PDGFRA: variants seen among roughly 807,000 people sequenced by gnomAD.
PDGFRA encodes platelet-derived growth factor receptor alpha.
Under a neutral mutation model 121.5 loss-of-function variants are expected in PDGFRA, and 25 were observed. The ratio of observed to expected loss-of-function variants is 0.21; its 90% confidence interval spans 0.15 to 0.29. The LOEUF is 0.29. Ranked by LOEUF, PDGFRA falls within the 10% of genes least tolerant of loss-of-function variation. The pLI is 1.00. For synonymous variants in PDGFRA, 463 were observed against 494.8 expected (o/e 0.94, Z 0.85); for missense variants, 1,008 against 1,345.1 (o/e 0.75, Z 3.92).
chr4:54,232,590 TTGTG>T (rs939358100), intron 1 of PDGFRA, among the ~76,000 whole-genome samples: 4 of 151,830 alleles, frequency 2.6e-5, no homozygotes, highest in South Asian at 2.1e-4. Flanking sequence ...GAAGGCACTT[TTGTG>T]TGTGTGTGTG....
chr4:54,287,651 A>AG, intron 19 of PDGFRA, 110 bp downstream of exon 19: 1 of 743,486 alleles, frequency 1.3e-6, no homozygotes, highest in South Asian at 1.4e-5. Flanking sequence ...ACCTGGTGTG[A>AG]GGCCAGTATG....
intron 1 of PDGFRA, among the ~76,000 whole-genome samples, chr4:54,239,077 G>C (rs973249999): frequency 6.6e-6 from 1 of 152,170 alleles, no homozygotes; most frequent in Non-Finnish European, 1.5e-5. Flanking sequence ...GTGACCTCTG[G>C]TCATCCCTAC....
intron 1 of PDGFRA, among the ~76,000 whole-genome samples, chr4:54,236,414 C>T (rs1347270689): frequency 6.6e-6 from 1 of 152,214 alleles, no homozygotes; most frequent in Non-Finnish European, 1.5e-5. Context: ...GGAAATTCCC[C>T]ATGTTTCCCA....
In PDGFRA at chr4:54,295,737, C is replaced by T. The variant is rs1724851944; in HGVS notation, c.*465C>T. ...GTACTTCCCTCTTGAAACCTGATGTCAGCTGCTGTTGAACTTTTTAAAGAA... is the reference window on the plus strand; with the variant it reads ...GTACTTCCCTCTTGAAACCTGATGTTAGCTGCTGTTGAACTTTTTAAAGAA... On this transcript the variant is annotated 3_prime_UTR_variant, in exon 23 of 23. Transcript: ENST00000257290. 1 of 248,900 alleles carries T rather than the reference C, an allele frequency of 4.0e-6. No homozygotes were observed. The highest frequency in any genetic ancestry group is 7.9e-6 in the Non-Finnish European group (1 of 126,872). The allele number at this position is 248,900 out of a possible 1,614,324, so 15.4% of individuals were successfully genotyped here. A position where few individuals can be genotyped will look rare whatever the true frequency, so the allele number is the denominator to read the frequency against.
intron 22 of PDGFRA, among the ~76,000 whole-genome samples, chr4:54,290,916 G>A (rs1409520771): frequency 3.9e-5 from 6 of 152,156 alleles, no homozygotes; most frequent in Non-Finnish European, 7.3e-5. Flanking sequence ...TGGGGAAAAA[G>A]TGAAGAGAGG....
At chr4:54,233,546 G>T (rs1720825146) in intron 1 of PDGFRA, among the ~76,000 whole-genome samples, 1 of 152,212 alleles carries the variant, frequency 6.6e-6, no homozygotes, top group Non-Finnish European at 1.5e-5. Flanking sequence ...GGAGCGCAGC[G>T]CTGGAACCCC....
rs1347364700 is a variant in PDGFRA at position 54,296,017 on chromosome 4, A to G, written c.*745A>G. 2 of 232,472 alleles carry G rather than the reference A, an allele frequency of 8.6e-6. No homozygotes were observed. Among genetic ancestry groups the G allele is most frequent in the Non-Finnish European group, 1.7e-5 (2 of 117,452 alleles). The allele number at this position is 232,472 out of a possible 1,614,324, so 14.4% of individuals were successfully genotyped here. On this transcript the variant is annotated 3_prime_UTR_variant, in exon 23 of 23. Transcript: ENST00000257290. ...GAAAGCACAATTTAAAACAATCCTT[A>G]CTAAGTAGGTGATGAGTTTGACAGT... is the stretch of plus-strand genomic sequence containing the variant.
intron 3 of PDGFRA, 135 bp from the exon 4 acceptor site, chr4:54,263,532 C>A: frequency 2.4e-6 from 2 of 847,980 alleles, no homozygotes; most frequent in Non-Finnish European, 2.0e-6. Context: ...GCCAGTGGGG[C>A]AATTCTTCTG....
intron 5 of PDGFRA, 92 bp from the exon 6 acceptor site, chr4:54,267,197 C>A: frequency 2.5e-6 from 3 of 1,200,654 alleles, no homozygotes; most frequent in Non-Finnish European, 3.7e-6. Context: ...TCCATTGACA[C>A]ATCCATATCA....
At chr4:54,249,815 T>A (rs969942794) in intron 1 of PDGFRA, among the ~76,000 whole-genome samples, 2 of 151,840 alleles carry the variant, frequency 1.3e-5, no homozygotes, top group Non-Finnish European at 2.9e-5. Flanking sequence ...TTTTAAAAAA[T>A]AAAGTTAAAG....
At chr4:54,278,150 A>G (rs764871018) in intron 14 of PDGFRA, 144 bp downstream of exon 14, 13 of 723,936 alleles carry the variant, frequency 1.8e-5, no homozygotes, top group Non-Finnish European at 3.2e-5. Context: ...TGGTCCCTTG[A>G]ATTGATGGAA....
At chr4:54,244,329 G>A (rs964370624) in intron 1 of PDGFRA, among the ~76,000 whole-genome samples, 2 of 152,210 alleles carry the variant, frequency 1.3e-5, no homozygotes, top group African/African-American at 4.8e-5. Flanking sequence ...AGTAGGGGCA[G>A]ACTGACACCT....
intron 1 of PDGFRA, among the ~76,000 whole-genome samples, chr4:54,246,665 G>T (rs1194283829): frequency 6.6e-6 from 1 of 151,824 alleles, no homozygotes; most frequent in African/African-American, 2.4e-5. Context: ...AACTAGAAAA[G>T]CAAGAGCAAA....
intron 1 of PDGFRA, chr4:54,230,708 C>G (rs1471581973): frequency 6.6e-6 from 1 of 152,392 alleles, no homozygotes; most frequent in Non-Finnish European, 1.5e-5. Flanking sequence ...GTGCGTGGCA[C>G]TTGCCGTCTG....
At chr4:54,233,174 G>C (rs1439374403) in intron 1 of PDGFRA, among the ~76,000 whole-genome samples, 1 of 151,278 alleles carries the variant, frequency 6.6e-6, no homozygotes, top group Admixed American at 6.6e-5. Context: ...TTCAGAGCGC[G>C]GCGCGCAGGG....
chr4:54,245,498 C>A (rs1472459848), intron 1 of PDGFRA, among the ~76,000 whole-genome samples: 37 of 150,960 alleles, frequency 2.5e-4, no homozygotes, highest in African/African-American at 7.7e-4. Context: ...AAATACTTTA[C>A]AGACAAGCAA....
intron 7 of PDGFRA, among the ~76,000 whole-genome samples, chr4:54,268,645 T>C (rs1028478099): frequency 6.6e-6 from 1 of 152,126 alleles, no homozygotes; most frequent in Admixed American, 6.6e-5. Flanking sequence ...TGAGAAGCAA[T>C]GTCTGAGAAA....
chr4:54,266,168 G>A (rs1487140069), intron 5 of PDGFRA, among the ~76,000 whole-genome samples: 2 of 152,242 alleles, frequency 1.3e-5, no homozygotes, highest in East Asian at 3.9e-4. Context: ...CTATTTATAG[G>A]AGACAGCAAT....
intron 16 of PDGFRA, chr4:54,282,090 G>T: frequency 3.9e-6 from 2 of 513,582 alleles, no homozygotes; most frequent in Non-Finnish European, 5.1e-6. Flanking sequence ...GCTAATTATG[G>T]TTGAAAAAAA....
Sources: gnomAD v4.1 joint callset for allele counts (sites outside exome capture counted in the v4.1 genomes callset) on GRCh38, gnomAD v4.1.1 for gene constraint, MANE v1.5 for transcripts, NCBI Gene and HGNC (gene_info 2026-07-23, HGNC 2026-07-21) for gene names.